Variants in ASTN1 observed in about 807,000 individuals in gnomAD.
ASTN1 encodes the protein astrotactin-1.
In ASTN1, 41 loss-of-function variants were observed where a neutral mutation model predicts 140.7. The ratio of observed to expected loss-of-function variants is 0.29; its 90% CI spans 0.23 to 0.38. The LOEUF (loss-of-function observed/expected upper bound fraction) is 0.38. Among genes scored for constraint, ASTN1 ranks in the 10% least tolerant of loss-of-function variants. The pLI, the probability that ASTN1 is intolerant of heterozygous loss-of-function variation, is 1.00. For missense variants in ASTN1, 1,479 were observed against 1,678.8 expected (o/e 0.88, Z 2.08); for synonymous variants, 640 against 652.2 (o/e 0.98, Z 0.29).
At chr1:177,129,436 G>A (rs1478802366) in intron 1 of ASTN1, among the ~76,000 whole-genome samples, 1 of 152,184 alleles carries the variant, frequency 6.6e-6, no homozygotes, top group East Asian at 1.9e-4. Flanking sequence ...AGGAGGCTGG[G>A]AGGGATCAAT....
At chr1:177,101,802 C>T (rs144636448) in intron 1 of ASTN1, among the ~76,000 whole-genome samples, 45 of 152,244 alleles carry the variant, frequency 3.0e-4, no homozygotes, top group African/African-American at 9.1e-4. Flanking sequence ...AGAATAATTG[C>T]ACCCATAGGC....
chr1:176,996,057 C>G (rs1463751218), intron 8 of ASTN1, among the ~76,000 whole-genome samples: 21 of 152,162 alleles, frequency 1.4e-4, no homozygotes, highest in Non-Finnish European at 4.4e-5. Context: ...TTAGGTTAGT[C>G]TGGTCCTTGG....
Position 176,972,603 on chromosome 1 carries a change from ATCC to A in ASTN1, c.1524-7369_1524-7367del, listed in dbSNP as rs56803558. Among the ~76,000 whole-genome samples, 1,413 of 152,130 alleles carry A rather than the reference ATCC, an allele frequency of 9.3e-3. 34 individuals carry two copies. The highest frequency in any genetic ancestry group is 0.032 in the African/African-American group (1,345 of 41,490). On this transcript the variant is annotated intron_variant, in intron 8 of 22. Coordinates refer to ENST00000361833, the MANE Select transcript of ASTN1 (RefSeq NM_004319.3). ...AGCCTCTAATTCCTAGACTCAAGCA[ATCC>A]TCCTGCCTGTGCTCTCCAAAGTGCT...
Position 176,958,416 on chromosome 1 carries a change from G to T in ASTN1, c.1665C>A (p.Ala555=). The T allele has an allele frequency of 6.2e-7, 1 of 1,614,014 alleles. No homozygotes were observed. The highest frequency in any genetic ancestry group is 8.5e-7 in the Non-Finnish European group (1 of 1,179,974). ...TTGCTGATGGATTGATGGCCAGTTC[G>T]GCTGGTGGAATCACAAAGCTCTTGC... is the stretch of plus-strand genomic sequence containing the variant. ...PLSKSFVIPP[A]ELAINPSAKC... is the part of the protein sequence containing the mutation. Residue 555 remains alanine (A), a synonymous_variant, in exon 10 of 23, where the codon GCC becomes GCA. Transcript: ENST00000361833.
At chr1:176,925,845 A>T (rs572289665) in intron 16 of ASTN1, among the ~76,000 whole-genome samples, 1 of 146,736 alleles carries the variant, frequency 6.8e-6, no homozygotes, top group South Asian at 2.2e-4. Flanking sequence ...TCGCTCTGTC[A>T]CCCAGGCTGG....
intron 1 of ASTN1, among the ~76,000 whole-genome samples, chr1:177,078,260 G>C (rs1279505514): frequency 6.6e-6 from 1 of 152,180 alleles, no homozygotes; most frequent in Non-Finnish European, 1.5e-5. Context: ...CCTGCCTTGA[G>C]GGTTGGCTGA....
rs144929990 is a variant in ASTN1 at position 176,913,899 on chromosome 1, C to T, written c.2672-19069G>A. Among the ~76,000 whole-genome samples the T allele has an allele frequency of 8.1e-3, 1,235 of 152,254 alleles. 63 individuals are homozygous for T. The highest frequency in any genetic ancestry group is 0.074 in the Admixed American group (1,129 of 15,278). On this transcript the variant is annotated intron_variant, in intron 16 of 22. Transcript: ENST00000361833. ...CTTGGGGGAAGAAGAAAAGTTTAAC[C>T]AACATTTGGTTCACAAGCATTTTGT...
intron 9 of ASTN1, among the ~76,000 whole-genome samples, chr1:176,961,095 C>T (rs111457355): frequency 2.1e-3 from 317 of 152,224 alleles, no homozygotes; most frequent in African/African-American, 7.1e-3. Context: ...GCCCCAAAGA[C>T]GTCACTCAAT....
chr1:177,009,087 G>C (rs551313649), intron 8 of ASTN1, among the ~76,000 whole-genome samples: 48 of 152,306 alleles, frequency 3.2e-4, no homozygotes, highest in South Asian at 8.3e-4. Context: ...AAAGAAACAA[G>C]ACATGGCCTA....
At chr1:177,017,992 C>T (rs1436558329) in intron 7 of ASTN1, among the ~76,000 whole-genome samples, 1 of 152,154 alleles carries the variant, frequency 6.6e-6, no homozygotes. Context: ...CAGATTAAGG[C>T]CAAATGCCCT....
chr1:177,001,287 T>C (rs932420026), intron 8 of ASTN1, among the ~76,000 whole-genome samples: 10 of 152,208 alleles, frequency 6.6e-5, no homozygotes, highest in African/African-American at 2.4e-4. Flanking sequence ...AGTAGGTTAC[T>C]CTAAACTCAA....
chr1:176,982,553 G>A (rs1462453709), intron 8 of ASTN1, among the ~76,000 whole-genome samples: 1 of 152,136 alleles, frequency 6.6e-6, no homozygotes, highest in Non-Finnish European at 1.5e-5. Flanking sequence ...CACCCTGAAC[G>A]TGCTTTATCT....
chr1:176,908,767 T>C (rs905332855), intron 16 of ASTN1, among the ~76,000 whole-genome samples: 1 of 152,186 alleles, frequency 6.6e-6, no homozygotes, highest in Non-Finnish European at 1.5e-5. Context: ...TTCACCATTT[T>C]ATCCTTATCA....
chr1:176,968,188 G>A (rs765553598), intron 8 of ASTN1, among the ~76,000 whole-genome samples: 1 of 152,238 alleles, frequency 6.6e-6, no homozygotes, highest in Admixed American at 6.5e-5. Context: ...AAGTTGTTAT[G>A]AGGAGGAACT....
intron 1 of ASTN1, among the ~76,000 whole-genome samples, chr1:177,161,654 C>T (rs1647378498): frequency 6.6e-6 from 1 of 152,204 alleles, no homozygotes; most frequent in African/African-American, 2.4e-5. Context: ...GAGAAGTTGG[C>T]TGCAATCAGA....
chr1:177,142,143 C>T (rs1456436466), intron 1 of ASTN1, among the ~76,000 whole-genome samples: 1 of 152,142 alleles, frequency 6.6e-6, no homozygotes, highest in African/African-American at 2.4e-5. Flanking sequence ...CTGAAGATGG[C>T]TCCCTCTGGT....
intron 16 of ASTN1, among the ~76,000 whole-genome samples, chr1:176,929,245 A>G (rs748725639): frequency 2.0e-5 from 3 of 152,184 alleles, no homozygotes; most frequent in Non-Finnish European, 2.9e-5. Context: ...ATGTGATTGA[A>G]TTAAAGTTCT....
chr1:177,118,516 G>A (rs1384182782), intron 1 of ASTN1, among the ~76,000 whole-genome samples: 1 of 152,148 alleles, frequency 6.6e-6, no homozygotes, highest in Non-Finnish European at 1.5e-5. Flanking sequence ...AAAGAAAGCA[G>A]TTAGCAAGAG....
At chr1:176,889,357 T>C (rs1447972885) in intron 17 of ASTN1, among the ~76,000 whole-genome samples, 1 of 152,238 alleles carries the variant, frequency 6.6e-6, no homozygotes, top group East Asian at 1.9e-4. Context: ...CAGCTTTGGC[T>C]GTTTCTTATG....
Sources: gnomAD v4.1 joint callset for allele counts (sites outside exome capture counted in the v4.1 genomes callset) on GRCh38, gnomAD v4.1.1 for gene constraint, MANE v1.5 for transcripts, NCBI Gene and HGNC (gene_info 2026-07-23, HGNC 2026-07-21) for gene names.